The following WDPCP variants were observed in gnomAD, a reference collection of about 807,000 sequenced individuals.
WDPCP encodes WD repeat-containing and planar cell polarity effector protein fritz homolog.
WDPCP carries 71 observed loss-of-function variants against 93.1 expected under a neutral mutation model. The observed-to-expected ratio is 0.76, with a 90% CI of 0.63 to 0.93. WDPCP has a LOEUF of 0.93. Ranked by LOEUF, WDPCP falls within the 40% of genes least tolerant of loss-of-function variation. WDPCP has a pLI of 0.00. For missense variants in WDPCP, 844 were observed against 887.4 expected (o/e 0.95, Z 0.62); for synonymous variants, 315 against 315.0 (o/e 1.00, Z 0.00).
Position 63,622,089 on chromosome 2 carries a change from G to C in WDPCP, n.488+28570C>G. 3.1e-5 allele frequency: 17 copies of C among 549,128 alleles called. No homozygotes were observed. In the Admixed American group the frequency reaches 3.2e-4, roughly 10 times the overall value. 34.0% of individuals were successfully genotyped at this position (549,128 alleles called of 1,614,324 possible). A position where few individuals can be genotyped will look rare whatever the true frequency, so the allele number is the denominator to read the frequency against. ...TTCTTTTTTTTTTTTTTTTTTGGAA[G>C]TTGATTTTTAATGATAAAGTACAAT... On this transcript the variant is annotated intron_variant and non_coding_transcript_variant, in intron 3 of 4. Transcript: ENST00000467687.
In WDPCP at chr2:63,455,413, G is replaced by GATAT. The variant is rs59481179; in HGVS notation, c.385-15546_385-15543dup. On this transcript the variant is annotated intron_variant, in intron 6 of 17. Transcript: ENST00000272321. ...CTAAGAAATGTACTTTACTTGTAAA[G>GATAT]ATATATATATATATATATATATATA... 3.4e-3 allele frequency among the ~76,000 whole-genome samples: 474 copies of GATAT among 140,928 alleles called. 3 individuals are homozygous for GATAT. The South Asian group carries it at 0.035, about 10-fold the overall frequency. The allele number at this position is 140,928 out of a possible 152,430, so 92.5% of individuals were successfully genotyped here.
intron 1 of WDPCP, among the ~76,000 whole-genome samples, chr2:63,529,390 C>T (rs964319653): frequency 6.6e-6 from 1 of 152,054 alleles, no homozygotes; most frequent in African/African-American, 2.4e-5. Flanking sequence ...ATATGTCCCA[C>T]CAATACCTAG....
chr2:63,417,747 T>C (rs1454227994), intron 9 of WDPCP, among the ~76,000 whole-genome samples: 3 of 147,964 alleles, frequency 2.0e-5, no homozygotes, highest in African/African-American at 7.3e-5. Flanking sequence ...TTAAATTATA[T>C]TAATATTAAT....
intron 2 of WDPCP, among the ~76,000 whole-genome samples, chr2:63,750,278 G>A (rs1408493505): frequency 1.3e-5 from 2 of 151,952 alleles, no homozygotes; most frequent in African/African-American, 4.8e-5. Context: ...CCTAGGTTTA[G>A]TTATATAAGC....
At chr2:63,722,602 AG>A (rs1316290785) in intron 2 of WDPCP, among the ~76,000 whole-genome samples, 3 of 105,626 alleles carry the variant, frequency 2.8e-5, no homozygotes, top group Non-Finnish European at 5.8e-5. Flanking sequence ...CCCGTCCGGG[AG>A]GGAGGTGGGG....
chr2:63,153,119 T>G (rs1671993135), intron 16 of WDPCP, 174 bp from the exon 17 acceptor site: 1 of 620,840 alleles, frequency 1.6e-6, no homozygotes, highest in Admixed American at 2.9e-5. Flanking sequence ...GCCAATCATT[T>G]TCATATATAT....
intron 17 of WDPCP, among the ~76,000 whole-genome samples, chr2:63,131,399 A>G (rs1670283379): frequency 6.6e-6 from 1 of 151,998 alleles, no homozygotes; most frequent in African/African-American, 2.4e-5. Flanking sequence ...ATTACGTAAC[A>G]CATTTCAAAT....
intron 6 of WDPCP, among the ~76,000 whole-genome samples, chr2:63,476,023 A>G (rs1469495654): frequency 6.6e-6 from 1 of 152,132 alleles, no homozygotes; most frequent in African/African-American, 2.4e-5. Context: ...CATGTAACAG[A>G]GTCAAAACTA....
intron 2 of WDPCP, among the ~76,000 whole-genome samples, chr2:63,702,538 C>CG (rs113966498): frequency 0.013 from 1,898 of 147,262 alleles, 15 homozygotes; most frequent in Non-Finnish European, 0.015. Flanking sequence ...GCTACCCATT[C>CG]TTTTTTTTTT....
chr2:63,380,819 C>A (rs1351194011), intron 11 of WDPCP, among the ~76,000 whole-genome samples: 1 of 152,056 alleles, frequency 6.6e-6, no homozygotes, highest in African/African-American at 2.4e-5. Flanking sequence ...TATTGTGGGC[C>A]ACGTGTGACT....
chr2:63,790,158 A>T (rs1159832159), intron 2 of WDPCP, among the ~76,000 whole-genome samples: 1 of 152,206 alleles, frequency 6.6e-6, no homozygotes, highest in Non-Finnish European at 1.5e-5. Context: ...ACCTAGATCT[A>T]GAGCCACCCA....
chr2:63,460,818 G>C (rs1698956746), intron 6 of WDPCP, among the ~76,000 whole-genome samples: 1 of 151,608 alleles, frequency 6.6e-6, no homozygotes, highest in African/African-American at 2.4e-5. Flanking sequence ...AGTAGAGGCG[G>C]GGTTTCACCA....
chr2:63,493,913 T>C (rs1701046746), intron 1 of WDPCP, among the ~76,000 whole-genome samples: 1 of 152,216 alleles, frequency 6.6e-6, no homozygotes, highest in South Asian at 2.1e-4. Context: ...AAAAATATTT[T>C]AAGACATATT....
chr2:63,543,241 C>G (rs1704879139), intron 1 of WDPCP, among the ~76,000 whole-genome samples: 1 of 152,062 alleles, frequency 6.6e-6, no homozygotes, highest in African/African-American at 2.4e-5. Context: ...ATCTTATTCA[C>G]AGAAAAATAA....
chr2:63,554,857 T>C (rs1021697172), intron 1 of WDPCP, among the ~76,000 whole-genome samples: 5 of 151,974 alleles, frequency 3.3e-5, no homozygotes, highest in South Asian at 2.1e-4. Flanking sequence ...AGCAGGGTGG[T>C]GTGACAGCCC....
intron 14 of WDPCP, among the ~76,000 whole-genome samples, chr2:63,225,195 T>C (rs1054623409): frequency 6.6e-6 from 1 of 151,906 alleles, no homozygotes; most frequent in Non-Finnish European, 1.5e-5. Flanking sequence ...GAAGAACTCT[T>C]GGAAAGTGTA....
chr2:63,675,838 G>A lies in WDPCP; in HGVS notation n.309-25000C>T, dbSNP rs181304466. Among the ~76,000 whole-genome samples the A allele has an allele frequency of 1.7e-3, 257 of 152,258 alleles. 1 individual carries two copies. Among genetic ancestry groups the A allele is most frequent in the Middle Eastern group, 6.8e-3 (2 of 294 alleles). ...ATATCATTTATTTAAGTGTAATGTA[G>A]TGATGTGATGAATAGAAACTATAAT... On this transcript the variant is annotated intron_variant and non_coding_transcript_variant, in intron 2 of 4. Coordinates refer to the WDPCP transcript ENST00000467687.
chr2:63,776,536 G>T (rs774838038), intron 2 of WDPCP, among the ~76,000 whole-genome samples: 6 of 151,422 alleles, frequency 4.0e-5, no homozygotes, highest in Admixed American at 6.6e-5. Context: ...CATGCCTATA[G>T]TCCCAGCTAC....
chr2:63,637,276 T>C (rs1709930165), intron 3 of WDPCP, among the ~76,000 whole-genome samples: 1 of 151,288 alleles, frequency 6.6e-6, no homozygotes, highest in East Asian at 1.9e-4. Flanking sequence ...TGCTTAAACC[T>C]GGGAGATGGG....
Sources: allele counts gnomAD v4.1 joint callset (sites outside exome capture counted in the v4.1 genomes callset), GRCh38; gene constraint gnomAD v4.1.1; transcripts MANE v1.5; gene names NCBI Gene and HGNC (gene_info 2026-07-23, HGNC 2026-07-21).